Variants in PLPPR2 observed in about 807,000 individuals in gnomAD.
PLPPR2 encodes the protein phospholipid phosphatase-related protein type 2.
PLPPR2 carries 11 observed loss-of-function variants against 40.3 expected under a neutral mutation model. That is an observed-to-expected ratio of 0.27 (90% confidence interval 0.17 to 0.45). The LOEUF (loss-of-function observed/expected upper bound fraction) is 0.45. PLPPR2 is among the 20% of genes least tolerant of loss of function. The pLI is 1.00. For missense variants in PLPPR2, 497 were observed against 640.7 expected (o/e 0.78, Z 2.42); for synonymous variants, 260 against 290.8 (o/e 0.89, Z 1.08).
rs1967979328 is a variant in PLPPR2 at position 11,359,300 on chromosome 19, C to T, written c.67-232C>T. On this transcript the variant is annotated intron_variant, in intron 3 of 9. Transcript: ENST00000688289. The surrounding 1 kb of genome is among the most constrained non-coding windows in gnomAD (Gnocchi z 5.6). The stretch of plus-strand genomic sequence containing the variant: ...GCACGAGCCGCTGCACACGGCCCCT[C>T]TGTTTCTGTCTCCTTCTCCTTCTGT... 6.6e-6 allele frequency among the ~76,000 whole-genome samples: 1 copy of T among 152,110 alleles called. No individual in the cohort carries two copies. Among genetic ancestry groups the T allele is most frequent in the African/African-American group, 2.4e-5 (1 of 41,442 alleles).
Position 11,359,871 on chromosome 19 carries a change from C to G in PLPPR2, c.306C>G (p.Ala102=), listed in dbSNP as rs372025949. 1.7e-5 allele frequency: 27 copies of G among 1,613,752 alleles called. No homozygotes were observed. The highest frequency in any genetic ancestry group is 2.0e-5 in the Non-Finnish European group (24 of 1,179,832). Residue 102 remains alanine (A), a synonymous_variant, in exon 5 of 10, where the codon GCC becomes GCG. Transcript: ENST00000688289. The surrounding 1 kb of genome is among the most constrained non-coding windows in gnomAD (Gnocchi z 5.6). ...CCTTTTTCCCTGCACCACCTTCAGC[C>G]GTCCCAGTCATCGGGGAGAGCACCA... is the stretch of plus-strand genomic sequence containing the variant. ...ARAFFPAPPS[A]VPVIGESTIV...
chr19:11,359,352 A>C lies in PLPPR2; in HGVS notation c.67-180A>C. 1.9e-6 allele frequency: 1 copy of C among 513,352 alleles called. No homozygotes were observed. The highest frequency in any genetic ancestry group is 3.3e-6 in the Non-Finnish European group (1 of 305,732). The allele number at this position is 513,352 out of a possible 1,614,324, so 31.8% of individuals were successfully genotyped here. ...TCTCCTAAGCCCTGACCCTTCTCTC[A>C]CCTCCTTTCCCCATTTCTCTCAGTC... On this transcript the variant is annotated intron_variant, in intron 3 of 9. Coordinates refer to ENST00000688289, the MANE Select transcript of PLPPR2 (RefSeq NM_001393892.1). This position sits in a 1 kb window ranked among gnomAD's most constrained non-coding sequence, Gnocchi z 5.6.
At chr19:11,360,351 C>CCAGCTACTTGGGAGGCTGAGGCAGAGACT (rs1968010298) in intron 5 of PLPPR2, among the ~76,000 whole-genome samples, 7 of 151,592 alleles carry the variant, frequency 4.6e-5, no homozygotes, top group Non-Finnish European at 8.8e-5. Context: ...GCCTGTAGCC[C>CCAGCTACTTGGGAGGCTGAGGCAGAGACT]CAGCTACTTG....
chr19:11,356,695 G>GTGTGA (rs1967894713), intron 1 of PLPPR2, 107 bp from the exon 2 acceptor site: 1 of 84,850 alleles, frequency 1.2e-5, no homozygotes, highest in Admixed American at 1.2e-4. Context: ...TGTGTGTGTG[G>GTGTGA]TGCCAGGATG....
chr19:11,357,515 T>C (rs1355358555), intron 2 of PLPPR2, 145 bp from the exon 3 acceptor site: 21 of 535,576 alleles, frequency 3.9e-5, no homozygotes, highest in Non-Finnish European at 6.2e-5. Flanking sequence ...GCCAGAAGGT[T>C]CAAGGGACAG....
Position 11,359,460 on chromosome 19 carries a change from T to G in PLPPR2, c.67-72T>G. The G allele has an allele frequency of 1.4e-6, 2 of 1,395,068 alleles. No individual in the cohort carries two copies. Among genetic ancestry groups the G allele is most frequent in the Non-Finnish European group, 1.9e-6 (2 of 1,044,586 alleles). 86.4% of individuals were successfully genotyped at this position (1,395,068 alleles called of 1,614,324 possible). ...TTCTCCATCTCTGTATCTCTGCCTCTGTGGCCTCAGCTGGAGTCCTGACCT... is the reference window on the plus strand; with the variant it reads ...TTCTCCATCTCTGTATCTCTGCCTCGGTGGCCTCAGCTGGAGTCCTGACCT... On this transcript the variant is annotated intron_variant, in intron 3 of 9. Transcript: ENST00000688289. This position sits in a 1 kb window ranked among gnomAD's most constrained non-coding sequence, Gnocchi z 5.6.
In PLPPR2 at chr19:11,361,558, G is replaced by T. The variant is rs772316336; in HGVS notation, c.663+70G>T. ...GACAGCGACCAGCAGCTAGGAAGCCGCCAGGGTTGGAGCCTCTGCTCTTCC... is the reference window on the plus strand; with the variant it reads ...GACAGCGACCAGCAGCTAGGAAGCCTCCAGGGTTGGAGCCTCTGCTCTTCC... On this transcript the variant is annotated intron_variant, in intron 6 of 9. Coordinates refer to ENST00000688289, the MANE Select transcript of PLPPR2 (RefSeq NM_001393892.1). The surrounding 1 kb of genome is among the most constrained non-coding windows in gnomAD (Gnocchi z 6.3). 2.0e-6 allele frequency: 3 copies of T among 1,533,270 alleles called. No homozygotes were observed. Among genetic ancestry groups the T allele is most frequent in the Non-Finnish European group, 2.6e-6 (3 of 1,143,726 alleles). The allele number at this position is 1,533,270 out of a possible 1,614,324, so 95.0% of individuals were successfully genotyped here. A position where few individuals can be genotyped will look rare whatever the true frequency, so the allele number is the denominator to read the frequency against.
At chr19:11,357,418 T>C (rs1033667941) in intron 2 of PLPPR2, among the ~76,000 whole-genome samples, 1 of 152,066 alleles carries the variant, frequency 6.6e-6, no homozygotes, top group African/African-American at 2.4e-5. Context: ...GGGACCCCCG[T>C]AGACTCTTGG....
Position 11,359,657 on chromosome 19 carries a change from G to A in PLPPR2, c.192G>A (p.Glu64=), listed in dbSNP as rs1408756554. The A allele has an allele frequency of 2.5e-6, 4 of 1,612,430 alleles. No homozygotes were observed. In the African/African-American group the frequency reaches 5.3e-5, roughly 22 times the overall value. ...STYAKPYPGP[E]AASRVPPALV... ...ACGCCAAGCCCTACCCAGGGCCTGA[G>A]GCTGCCAGCCGAGTGCCTCCTGCTC... The change falls in exon 4 of 10, where the codon GAG becomes GAA. Residue 64 remains glutamate (E), a synonymous_variant. Transcript: ENST00000688289. The surrounding 1 kb of genome is among the most constrained non-coding windows in gnomAD (Gnocchi z 5.6).
chr19:11,364,037 A>C lies in PLPPR2; in HGVS notation c.964-124A>C, dbSNP rs1968122411. 4 of 1,393,798 alleles carry C rather than the reference A, an allele frequency of 2.9e-6. No homozygotes were observed. Among genetic ancestry groups the C allele is most frequent in the Admixed American group, 4.4e-5 (2 of 45,298 alleles). 86.3% of individuals were successfully genotyped at this position (1,393,798 alleles called of 1,614,324 possible). Reference sequence around the variant, plus strand: ...ACCCCCGTCTTCTTCCCAGGGGGACACGGTTAATCATGAGAACTGTGGTTG... The same window carrying C: ...ACCCCCGTCTTCTTCCCAGGGGGACCCGGTTAATCATGAGAACTGTGGTTG... On this transcript the variant is annotated intron_variant, in intron 8 of 9. Transcript: ENST00000688289. This position sits in a 1 kb window ranked among gnomAD's most constrained non-coding sequence, Gnocchi z 5.8.
In PLPPR2 at chr19:11,364,534, T is replaced by C; in HGVS notation, c.1203T>C (p.Pro401=). Reference sequence around the variant, plus strand: ...GCCCCTCGCCTTCCTCCCCTGGACCTGGGGGGCCAGGCGGGGGTGGTGGAC... The same window carrying C: ...GCCCCTCGCCTTCCTCCCCTGGACCCGGGGGGCCAGGCGGGGGTGGTGGAC... The part of the protein sequence containing the change: ...SQGPSPSSPG[P]GGPGGGGGRG... The change falls in exon 10 of 10, where the codon CCT becomes CCC. Residue 401 remains proline (P), a synonymous_variant. Coordinates refer to ENST00000688289, the MANE Select transcript of PLPPR2 (RefSeq NM_001393892.1). This position sits in a 1 kb window ranked among gnomAD's most constrained non-coding sequence, Gnocchi z 5.8. The C allele has an allele frequency of 7.2e-6, 11 of 1,535,672 alleles. No homozygotes were observed. Among genetic ancestry groups the C allele is most frequent in the Non-Finnish European group, 9.6e-6 (11 of 1,146,070 alleles).
chr19:11,365,031 C>T lies in PLPPR2; in HGVS notation c.*341C>T. ...ACCAATGGGAGCCTTCCCCTCACTT[C>T]TTAGAATCCTCCTGCAAGAGGGCAA... On this transcript the variant is annotated 3_prime_UTR_variant, in exon 10 of 10. Transcript: ENST00000688289. 2.9e-6 allele frequency: 1 copy of T among 348,880 alleles called. No homozygotes were observed. Among genetic ancestry groups the T allele is most frequent in the Non-Finnish European group, 5.2e-6 (1 of 191,080 alleles). The allele number at this position is 348,880 out of a possible 1,614,324, so 21.6% of individuals were successfully genotyped here. A position where few individuals can be genotyped will look rare whatever the true frequency, so the allele number is the denominator to read the frequency against.
intron 1 of PLPPR2, among the ~76,000 whole-genome samples, chr19:11,355,874 G>A (rs1240194701): frequency 6.6e-6 from 1 of 152,024 alleles, no homozygotes; most frequent in African/African-American, 2.4e-5. Context: ...GGTTTCGGGA[G>A]GTCCGCGGGT....
intron 1 of PLPPR2, among the ~76,000 whole-genome samples, chr19:11,356,518 T>C (rs1019253926): frequency 6.6e-6 from 1 of 152,016 alleles, no homozygotes; most frequent in African/African-American, 2.4e-5. Flanking sequence ...TGTGTGTGAG[T>C]ATGCAGTGAC....
rs1413179929 is a variant in PLPPR2 at position 11,359,447 on chromosome 19, G to C, written c.67-85G>C. The C allele has an allele frequency of 1.2e-5, 16 of 1,283,054 alleles. No individual in the cohort carries two copies. The Admixed American group carries it at 3.7e-4, about 29-fold the overall frequency. 79.5% of individuals were successfully genotyped at this position (1,283,054 alleles called of 1,614,324 possible). On this transcript the variant is annotated intron_variant, in intron 3 of 9. Coordinates refer to ENST00000688289, the MANE Select transcript of PLPPR2 (RefSeq NM_001393892.1). The surrounding 1 kb of genome is among the most constrained non-coding windows in gnomAD (Gnocchi z 5.6). ...CTCTAACCCATGTTTCTCCATCTCT[G>C]TATCTCTGCCTCTGTGGCCTCAGCT... is the stretch of plus-strand genomic sequence containing the variant.
chr19:11,356,663 G>GTT (rs1188035752), intron 1 of PLPPR2, 139 bp from the exon 2 acceptor site: 3 of 42,710 alleles, frequency 7.0e-5, no homozygotes, highest in Non-Finnish European at 1.4e-4. Context: ...CTATGCCATG[G>GTT]TTGTGTGTGT....
Position 11,362,734 on chromosome 19 carries a change from G to A in PLPPR2, c.840+45G>A. 1.9e-6 allele frequency: 3 copies of A among 1,581,488 alleles called. No individual in the cohort carries two copies. Among genetic ancestry groups the A allele is most frequent in the Non-Finnish European group, 2.6e-6 (3 of 1,161,726 alleles). On this transcript the variant is annotated intron_variant, in intron 7 of 9. Coordinates refer to ENST00000688289, the MANE Select transcript of PLPPR2 (RefSeq NM_001393892.1). This position sits in a 1 kb window ranked among gnomAD's most constrained non-coding sequence, Gnocchi z 5.3. ...TTCCCAGCATGGAAGACCCTCACCA[G>A]CTCTCTGACCCAAGAGGCAGGACCA...
chr19:11,359,782 C>A lies in PLPPR2; in HGVS notation c.256-39C>A. 6.3e-7 allele frequency: 1 copy of A among 1,588,394 alleles called. No homozygotes were observed. Among genetic ancestry groups the A allele is most frequent in the Admixed American group, 1.7e-5 (1 of 58,948 alleles). On this transcript the variant is annotated intron_variant, in intron 4 of 9. Coordinates refer to ENST00000688289, the MANE Select transcript of PLPPR2 (RefSeq NM_001393892.1). This position sits in a 1 kb window ranked among gnomAD's most constrained non-coding sequence, Gnocchi z 5.6. ...CGGTAAGGGTGGGTGAGGGGATGGG[C>A]TGGAAGGCCAGAAGACTCCATCTTG...
intron 5 of PLPPR2, among the ~76,000 whole-genome samples, chr19:11,360,894 C>T (rs549897272): frequency 3.3e-5 from 5 of 152,100 alleles, no homozygotes; most frequent in South Asian, 4.1e-4. Context: ...TTTCCCTAGC[C>T]GTCCTAGGCA....
Sources: gnomAD v4.1 joint callset for allele counts (sites outside exome capture counted in the v4.1 genomes callset) on GRCh38, gnomAD v4.1.1 for gene constraint, Gnocchi (gnomAD v3.1) non-coding constraint, MANE v1.5 for transcripts, NCBI Gene and HGNC (gene_info 2026-07-23, HGNC 2026-07-21) for gene names.